Variants in NALF1 observed in about 807,000 individuals in gnomAD.
NALF1 encodes family with sequence similarity 155 member A.
A neutral mutation model predicts 48.4 loss-of-function variants in NALF1; 3 were observed. That is an observed-to-expected ratio of 0.06 (90% confidence interval 0.03 to 0.16). NALF1 has a LOEUF of 0.16. NALF1 is among the 10% of genes least tolerant of loss of function. NALF1 has a pLI of 1.00. For synonymous variants in NALF1, 262 were observed against 245.7 expected (o/e 1.07, Z -0.62); for missense variants, 526 against 571.5 (o/e 0.92, Z 0.81).
At chr13:107,666,108 A>G (rs1880851908) in intron 1 of NALF1, among the ~76,000 whole-genome samples, 1 of 152,164 alleles carries the variant, frequency 6.6e-6, no homozygotes, top group South Asian at 2.1e-4. Context: ...AATGAGTAAG[A>G]GCATTGTCAT....
At chr13:107,492,560 C>T (rs1356196243) in intron 1 of NALF1, among the ~76,000 whole-genome samples, 1 of 152,128 alleles carries the variant, frequency 6.6e-6, no homozygotes, top group Non-Finnish European at 1.5e-5. Flanking sequence ...CCTCGCCTTA[C>T]TCAACAGCTT....
At chr13:107,660,959 A>G (rs569263979) in intron 1 of NALF1, among the ~76,000 whole-genome samples, 2 of 152,322 alleles carry the variant, frequency 1.3e-5, no homozygotes, top group East Asian at 1.9e-4. Context: ...CTAAAAAAAA[A>G]GTAAGGTTGC....
intron 1 of NALF1, among the ~76,000 whole-genome samples, chr13:107,754,354 AACACAC>A (rs6145234): frequency 0.068 from 9,682 of 142,302 alleles, 367 homozygotes; most frequent in Middle Eastern, 0.11. Context: ...GTACATTGTG[AACACAC>A]ACACACACAC....
chr13:107,793,773 T>A (rs982516905), intron 1 of NALF1, among the ~76,000 whole-genome samples: 1 of 152,192 alleles, frequency 6.6e-6, no homozygotes, highest in Non-Finnish European at 1.5e-5. Flanking sequence ...AATTCTGGTA[T>A]CCAGACACAA....
chr13:107,189,874 T>G (rs150412232), intron 2 of NALF1, among the ~76,000 whole-genome samples: 1 of 152,164 alleles, frequency 6.6e-6, no homozygotes, highest in African/African-American at 2.4e-5. Flanking sequence ...TACAGGAGGG[T>G]GTAAACAAGT....
intron 1 of NALF1, among the ~76,000 whole-genome samples, chr13:107,726,913 T>TTGTGTGTGTG (rs1171461096): frequency 4.6e-4 from 58 of 126,476 alleles, no homozygotes; most frequent in East Asian, 1.6e-3. Flanking sequence ...CGGCAAATTC[T>TTGTGTGTGTG]TGTGTGTGTG....
intron 1 of NALF1, among the ~76,000 whole-genome samples, chr13:107,381,499 A>C (rs1038290332): frequency 1.3e-5 from 2 of 152,018 alleles, no homozygotes; most frequent in Non-Finnish European, 2.9e-5. Context: ...CCCGGTAGAA[A>C]ACAGATTTCC....
At chr13:107,395,315 G>C (rs1883694307) in intron 1 of NALF1, among the ~76,000 whole-genome samples, 1 of 152,112 alleles carries the variant, frequency 6.6e-6, no homozygotes, top group African/African-American at 2.4e-5. Context: ...CACTAGGTCA[G>C]CCCTGGAGAT....
intron 1 of NALF1, among the ~76,000 whole-genome samples, chr13:107,263,316 T>C (rs1880974150): frequency 6.6e-6 from 1 of 151,500 alleles, no homozygotes; most frequent in Non-Finnish European, 1.5e-5. Context: ...ACAGTTGATG[T>C]GTCTATGAAA....
chr13:107,631,815 A>G (rs1181071442), intron 1 of NALF1, among the ~76,000 whole-genome samples: 1 of 152,156 alleles, frequency 6.6e-6, no homozygotes, highest in Admixed American at 6.5e-5. Flanking sequence ...GAAATATTAG[A>G]AGTATTTCAT....
At chr13:107,623,958 TATGTCAAAAC>T (rs1239498311) in intron 1 of NALF1, among the ~76,000 whole-genome samples, 5 of 152,202 alleles carry the variant, frequency 3.3e-5, no homozygotes, top group African/African-American at 1.2e-4. Context: ...ATGTGTATAA[TATGTCAAAAC>T]ATAACCTGAC....
At chr13:107,236,715 ATCTATCTATCTATC>A (rs1483532769) in intron 1 of NALF1, among the ~76,000 whole-genome samples, 1 of 149,462 alleles carries the variant, frequency 6.7e-6, no homozygotes, top group Non-Finnish European at 1.5e-5. Context: ...CTATCTATCT[ATCTATCTATCTATC>A]TATCTATCAT....
chr13:107,271,515 G>A (rs1163210736), intron 1 of NALF1, among the ~76,000 whole-genome samples: 2 of 152,010 alleles, frequency 1.3e-5, no homozygotes, highest in African/African-American at 2.4e-5. Context: ...GAGGCTAGAC[G>A]ACTGGGGCTG....
intron 2 of NALF1, among the ~76,000 whole-genome samples, chr13:107,209,783 C>T (rs140197153): frequency 1.2e-3 from 181 of 152,210 alleles, no homozygotes; most frequent in African/African-American, 3.8e-3. Context: ...GCTTGAGCCA[C>T]GTAATTCCAG....
Position 107,807,174 on chromosome 13 carries a change from G to T in NALF1, c.915+58508C>A, listed in dbSNP as rs1273041939. On this transcript the variant is annotated intron_variant, in intron 1 of 2. Transcript: ENST00000375915. Reference sequence around the variant, plus strand: ...TTCAGTATGTAAATATGATTATATTGATATGAAAATGTGTTTATTCAGCTT... The same window carrying T: ...TTCAGTATGTAAATATGATTATATTTATATGAAAATGTGTTTATTCAGCTT... Among the ~76,000 whole-genome samples the T allele has an allele frequency of 3.3e-5, 5 of 152,080 alleles. No individual in the cohort carries two copies. In the South Asian group the frequency reaches 1.0e-3, roughly 32 times the overall value.
intron 1 of NALF1, among the ~76,000 whole-genome samples, chr13:107,621,227 T>C (rs1879509592): frequency 6.6e-6 from 1 of 152,226 alleles, no homozygotes; most frequent in South Asian, 2.1e-4. Context: ...TATTAACTAG[T>C]TAGCACATTT....
chr13:107,650,375 C>T (rs1032564550), intron 1 of NALF1, among the ~76,000 whole-genome samples: 7 of 117,410 alleles, frequency 6.0e-5, no homozygotes, highest in South Asian at 2.8e-4. Flanking sequence ...GCCATTTGAA[C>T]GGTAATCTCT....
At chr13:107,358,537 C>A (rs1031766253) in intron 1 of NALF1, among the ~76,000 whole-genome samples, 1 of 152,140 alleles carries the variant, frequency 6.6e-6, no homozygotes, top group African/African-American at 2.4e-5. Context: ...GCAAATAGAA[C>A]TGTTTGGAAC....
intron 1 of NALF1, among the ~76,000 whole-genome samples, chr13:107,412,014 C>T (rs1269667234): frequency 6.6e-6 from 1 of 152,036 alleles, no homozygotes; most frequent in Non-Finnish European, 1.5e-5. Context: ...AAAATGAAAC[C>T]CACTGGCATG....
Sources: allele counts gnomAD v4.1 joint callset (sites outside exome capture counted in the v4.1 genomes callset), GRCh38; gene constraint gnomAD v4.1.1; transcripts MANE v1.5; gene names NCBI Gene and HGNC (gene_info 2026-07-23, HGNC 2026-07-21).